ZNF438: variants seen among roughly 807,000 people sequenced by gnomAD.
ZNF438 encodes the protein zinc finger protein 438.
Under a neutral mutation model 38.0 loss-of-function variants are expected in ZNF438, and 25 were observed. That is an observed-to-expected ratio of 0.66 (90% CI 0.48 to 0.92). ZNF438 has a LOEUF of 0.92. ZNF438 is among the 40% of genes least tolerant of loss of function. The pLI is 0.00. For missense variants in ZNF438, 1,007 were observed against 999.6 expected, an observed-to-expected ratio of 1.01 and a Z score of -0.10; for synonymous variants, 372 against 364.1, an observed-to-expected ratio of 1.02 and a Z score of -0.25.
At chr10:30,931,791 T>C (rs2045728274) in intron 2 of ZNF438, among the ~76,000 whole-genome samples, 1 of 152,226 alleles carries the variant, frequency 6.6e-6, no homozygotes, top group Non-Finnish European at 1.5e-5. Context: ...AAAGATCAAG[T>C]TGTGTAATTA....
At chr10:30,901,537 G>C (rs948392625) in intron 3 of ZNF438, among the ~76,000 whole-genome samples, 4 of 152,088 alleles carry the variant, frequency 2.6e-5, no homozygotes, top group African/African-American at 9.7e-5. Flanking sequence ...TGGCCGACAG[G>C]TGCCCGGTAT....
chr10:30,925,106 T>C (rs1382609371), intron 2 of ZNF438, among the ~76,000 whole-genome samples: 2 of 152,232 alleles, frequency 1.3e-5, no homozygotes, highest in Admixed American at 1.3e-4. Context: ...GAGCTTTCTA[T>C]ATAGACAATT....
intron 3 of ZNF438, among the ~76,000 whole-genome samples, chr10:30,907,817 T>G (rs2042729835): frequency 6.6e-6 from 1 of 152,080 alleles, no homozygotes; most frequent in Non-Finnish European, 1.5e-5. Context: ...TTATTCTTTA[T>G]TTCATTCATT....
In ZNF438 at chr10:30,845,043, T is replaced by TCACAGTTA; in HGVS notation, c.2397_2404dup (p.Glu802ValfsTer13). 1 of 1,614,214 alleles carries TCACAGTTA rather than the reference T, an allele frequency of 6.2e-7. No homozygotes were observed. Among genetic ancestry groups the TCACAGTTA allele is most frequent in the Non-Finnish European group, 8.5e-7 (1 of 1,180,032 alleles). ...AATAGCCCACAGTTTGGAAGGGTCC[T>TCACAGTTA]CACAGTTATGCTGGTGCTTCCAGTG... is the stretch of plus-strand genomic sequence containing the variant. On this transcript the variant is annotated frameshift_variant, in exon 6 of 6. Transcript: ENST00000413025. LOFTEE classifies it low-confidence loss of function (END_TRUNC).
chr10:30,934,944 C>T (rs2046081984), intron 2 of ZNF438, among the ~76,000 whole-genome samples: 1 of 152,222 alleles, frequency 6.6e-6, no homozygotes, highest in Admixed American at 6.5e-5. Context: ...ACCAACATTA[C>T]TTTTAGTAAG....
chr10:30,900,773 T>C lies in ZNF438; in HGVS notation c.-32+8160A>G, dbSNP rs1161122612. 2.6e-5 allele frequency among the ~76,000 whole-genome samples: 4 copies of C among 152,162 alleles called. No homozygotes were observed. The East Asian group carries it at 7.7e-4, about 29-fold the overall frequency. ...ACAGAAGGTAAGTACACATGAAAAATAATGATAGTTAATGCTCATCAATAA... is the reference window on the plus strand; with the variant it reads ...ACAGAAGGTAAGTACACATGAAAAACAATGATAGTTAATGCTCATCAATAA... On this transcript the variant is annotated intron_variant, in intron 3 of 5. Transcript: ENST00000413025.
At chr10:30,889,106 T>C (rs374153997) in intron 3 of ZNF438, among the ~76,000 whole-genome samples, 2 of 152,216 alleles carry the variant, frequency 1.3e-5, no homozygotes, top group African/African-American at 2.4e-5. Context: ...TGACTAATAA[T>C]AGTACTCATC....
At chr10:30,957,791 T>C (rs1157192561) in intron 1 of ZNF438, among the ~76,000 whole-genome samples, 1 of 152,210 alleles carries the variant, frequency 6.6e-6, no homozygotes, top group African/African-American at 2.4e-5. Flanking sequence ...ATTGACATTA[T>C]TACTATTTTA....
chr10:31,005,599 C>G (rs1046709370), intron 1 of ZNF438, among the ~76,000 whole-genome samples: 2 of 151,960 alleles, frequency 1.3e-5, no homozygotes, highest in Admixed American at 6.6e-5. Context: ...GACATGAGGA[C>G]TATGGTTAAT....
chr10:30,855,494 T>C lies in ZNF438; in HGVS notation c.38-5127A>G, dbSNP rs2034461370. Among the ~76,000 whole-genome samples, 3 of 152,214 alleles carry C rather than the reference T, an allele frequency of 2.0e-5. No homozygotes were observed. In the South Asian group the frequency reaches 6.2e-4, roughly 31 times the overall value. Reference sequence around the variant, plus strand: ...TTGTCTGGATCTATCAGGAAGTACATACAAGGTTAAGGGTCTCCATGAAGG... The same window carrying C: ...TTGTCTGGATCTATCAGGAAGTACACACAAGGTTAAGGGTCTCCATGAAGG... On this transcript the variant is annotated intron_variant, in intron 4 of 5. Coordinates refer to ENST00000413025, the Ensembl canonical transcript of ZNF438.
chr10:30,975,970 G>GT (rs972648967), intron 1 of ZNF438, among the ~76,000 whole-genome samples: 2 of 151,870 alleles, frequency 1.3e-5, no homozygotes, highest in Non-Finnish European at 1.5e-5. Context: ...AAGCAGATAA[G>GT]TAAAAACATA....
chr10:30,945,101 G>C (rs942442505), intron 1 of ZNF438, among the ~76,000 whole-genome samples: 2 of 151,088 alleles, frequency 1.3e-5, no homozygotes, highest in African/African-American at 4.9e-5. Flanking sequence ...TGAAAGAAAA[G>C]TGAGAAAGAG....
intron 4 of ZNF438, among the ~76,000 whole-genome samples, chr10:30,864,315 G>A (rs2036068198): frequency 6.6e-6 from 1 of 152,110 alleles, no homozygotes; most frequent in African/African-American, 2.4e-5. Context: ...TCCCAACCCT[G>A]GTCTGGAGGC....
At chr10:30,929,450 TCTCGCTGGC>T (rs2135224200) in intron 2 of ZNF438, among the ~76,000 whole-genome samples, 1 of 152,288 alleles carries the variant, frequency 6.6e-6, no homozygotes, top group South Asian at 2.1e-4. Flanking sequence ...GGGTTCGTGG[TCTCGCTGGC>T]CTCAGAAGTG....
chr10:31,015,449 G>A (rs959325747), intron 1 of ZNF438, among the ~76,000 whole-genome samples: 36 of 152,082 alleles, frequency 2.4e-4, no homozygotes, highest in African/African-American at 8.7e-4. Context: ...TTCAAGACCA[G>A]CCTGGCCAAC....
At chr10:31,010,721 A>G (rs1267266460) in intron 1 of ZNF438, among the ~76,000 whole-genome samples, 1 of 152,000 alleles carries the variant, frequency 6.6e-6, no homozygotes, top group East Asian at 1.9e-4. Context: ...ACCCTGCTCC[A>G]GAAAAAAAAA....
chr10:30,916,517 T>A (rs2043656363), intron 2 of ZNF438, among the ~76,000 whole-genome samples: 1 of 152,072 alleles, frequency 6.6e-6, no homozygotes, highest in South Asian at 2.1e-4. Flanking sequence ...TCTCTCCAGC[T>A]ATCCTTTTTT....
At chr10:30,923,759 G>C (rs958901490) in intron 2 of ZNF438, among the ~76,000 whole-genome samples, 4 of 152,100 alleles carry the variant, frequency 2.6e-5, no homozygotes, top group African/African-American at 9.7e-5. Context: ...GCACTTCCTT[G>C]ATAGGAGGAA....
intron 2 of ZNF438, among the ~76,000 whole-genome samples, chr10:30,924,778 G>A (rs566718735): frequency 1.1e-4 from 17 of 152,294 alleles, no homozygotes; most frequent in Middle Eastern, 3.4e-3. Flanking sequence ...TTGGTTAAGA[G>A]ATATGGCTAT....
Sources: allele counts gnomAD v4.1 joint callset (sites outside exome capture counted in the v4.1 genomes callset), GRCh38; gene constraint gnomAD v4.1.1; transcripts MANE v1.5; gene names NCBI Gene and HGNC (gene_info 2026-07-23, HGNC 2026-07-21).